The following ANKRD11 variants were observed in gnomAD, a reference collection of about 807,000 sequenced individuals.
ANKRD11 encodes ankyrin repeat domain 11.
Under a neutral mutation model 195.7 loss-of-function variants are expected in ANKRD11, and 17 were observed. The ratio of observed to expected loss-of-function variants is 0.09; its 90% CI spans 0.06 to 0.13. The LOEUF (loss-of-function observed/expected upper bound fraction) is 0.13, where lower values mean the gene tolerates loss of function less well. Among genes scored for constraint, ANKRD11 ranks in the 10% least tolerant of loss-of-function variants. The pLI is 1.00. For missense variants in ANKRD11, 3,735 were observed against 3,566.1 expected, an observed-to-expected ratio of 1.05 and a Z score of -1.21; for synonymous variants, 1,953 against 1,528.1, an observed-to-expected ratio of 1.28 and a Z score of -6.49.
At chr16:89,352,133 C>T (rs1381876392) in intron 2 of ANKRD11, among the ~76,000 whole-genome samples, 54 of 152,072 alleles carry the variant, frequency 3.6e-4, no homozygotes, top group Non-Finnish European at 1.5e-5. Context: ...TCAAGTGATC[C>T]GCCTGCCTCA....
At chr16:89,469,602 A>C (rs2057002013) in intron 1 of ANKRD11, among the ~76,000 whole-genome samples, 1 of 151,818 alleles carries the variant, frequency 6.6e-6, no homozygotes, top group African/African-American at 2.4e-5. Context: ...TACGCAAATA[A>C]GAAAGGAAAA....
intron 4 of ANKRD11, among the ~76,000 whole-genome samples, chr16:89,304,480 A>G (rs1029503943): frequency 6.6e-6 from 1 of 151,766 alleles, no homozygotes; most frequent in Non-Finnish European, 1.5e-5. Flanking sequence ...ATGGGCACAC[A>G]TACACGGGCA....
intron 2 of ANKRD11, among the ~76,000 whole-genome samples, chr16:89,373,951 C>T (rs2152087094): frequency 6.6e-6 from 1 of 152,360 alleles, no homozygotes; most frequent in East Asian, 1.9e-4. Flanking sequence ...ACCAAGCGGG[C>T]TGGGGCCCTG....
intron 2 of ANKRD11, among the ~76,000 whole-genome samples, chr16:89,327,266 A>C (rs2037786312): frequency 6.6e-6 from 1 of 152,226 alleles, no homozygotes; most frequent in South Asian, 2.1e-4. Flanking sequence ...TAAAATTCAA[A>C]ACTCACGATA....
chr16:89,369,900 A>G (rs2040119252), intron 2 of ANKRD11, among the ~76,000 whole-genome samples: 3 of 152,174 alleles, frequency 2.0e-5, no homozygotes, highest in African/African-American at 4.8e-5. Context: ...CATGTCATCT[A>G]TGGTTATCTC....
intron 1 of ANKRD11, among the ~76,000 whole-genome samples, chr16:89,483,209 A>G (rs549803606): frequency 3.9e-5 from 6 of 152,288 alleles, no homozygotes; most frequent in Admixed American, 2.0e-4. Flanking sequence ...GGCACAGATT[A>G]AGTTCTAAGA....
At chr16:89,277,490 G>C (rs988812759) in intron 9 of ANKRD11, 4 of 152,294 alleles carry the variant, frequency 2.6e-5, no homozygotes, top group African/African-American at 9.6e-5. Flanking sequence ...ACAGCAGTCA[G>C]ACTAGTGTTA....
chr16:89,438,841 T>C (rs2043326280), intron 1 of ANKRD11, among the ~76,000 whole-genome samples: 1 of 151,964 alleles, frequency 6.6e-6, no homozygotes, highest in African/African-American at 2.4e-5. Flanking sequence ...CGCATCTCTA[T>C]AAAAAATTTT....
intron 1 of ANKRD11, among the ~76,000 whole-genome samples, chr16:89,430,517 ACT>A (rs2042932008): frequency 6.7e-6 from 1 of 150,290 alleles, no homozygotes; most frequent in Non-Finnish European, 1.5e-5. Context: ...CACAGCAGGG[ACT>A]CTCAACTCTC....
chr16:89,460,440 T>A (rs2056612843), intron 1 of ANKRD11, among the ~76,000 whole-genome samples: 1 of 152,144 alleles, frequency 6.6e-6, no homozygotes. Context: ...GTGCCTGTAA[T>A]CCCAGCTACT....
Position 89,290,617 on chromosome 16 carries a change from G to A in ANKRD11, c.601+8C>T, listed in dbSNP as rs1263489896. The A allele has an allele frequency of 2.5e-6, 4 of 1,611,404 alleles. No homozygotes were observed. The highest frequency in any genetic ancestry group is 1.1e-5 in the South Asian group (1 of 91,066). ...CTCTCTGGCCCTTGCCAGGCACAGG[G>A]TGCCCACCTGCGAAGTCCTTGACGT... On this transcript the variant is annotated splice_region_variant and intron_variant, in intron 6 of 12. Transcript: ENST00000301030.
intron 3 of ANKRD11, among the ~76,000 whole-genome samples, chr16:89,305,693 C>T (rs1481339541): frequency 6.9e-6 from 1 of 144,634 alleles, no homozygotes; most frequent in Non-Finnish European, 1.5e-5. Context: ...CACGCGCCAC[C>T]TCCCACTCCG....
intron 2 of ANKRD11, among the ~76,000 whole-genome samples, chr16:89,363,691 C>G (rs1463307946): frequency 3.9e-5 from 6 of 152,132 alleles, no homozygotes; most frequent in Admixed American, 1.3e-4. Context: ...GTATGTGGCC[C>G]AGGCCCCTGT....
intron 4 of ANKRD11, among the ~76,000 whole-genome samples, chr16:89,292,601 G>A (rs1168734413): frequency 6.6e-6 from 1 of 152,208 alleles, no homozygotes; most frequent in Admixed American, 6.5e-5. Flanking sequence ...ACATCGACCT[G>A]CGTCACACTC....
At position 89,291,845 on chromosome 16, in the gene ANKRD11, C is replaced by A; in HGVS notation, c.227-662G>T. 8.9e-7 allele frequency: 1 copy of A among 1,121,724 alleles called. No homozygotes were observed. Among genetic ancestry groups the A allele is most frequent in the Non-Finnish European group, 1.2e-6 (1 of 836,700 alleles). 69.5% of individuals were successfully genotyped at this position (1,121,724 alleles called of 1,614,324 possible). On this transcript the variant is annotated intron_variant, in intron 4 of 12. Transcript: ENST00000301030. This position sits in a 1 kb window ranked among gnomAD's most constrained non-coding sequence, Gnocchi z 5.3. ...AGCTCGGCTGTTTCCACCTCAGCCT[C>A]CTCGTAACAAGCACACCCTGCACTC...
Position 89,280,425 on chromosome 16 carries a change from G to A in ANKRD11, c.6117C>T (p.Asp2039=), listed in dbSNP as rs762691968. The A allele has an allele frequency of 1.1e-5, 18 of 1,575,798 alleles. No homozygotes were observed. Among genetic ancestry groups the A allele is most frequent in the African/African-American group, 6.8e-5 (5 of 74,036 alleles). Reference sequence around the variant, plus strand: ...TGGCGGCGGGGACGGCGTCCACTCCGTCCTTGACGTCCTCCAGCCCCGGCT... The same window carrying A: ...TGGCGGCGGGGACGGCGTCCACTCCATCCTTGACGTCCTCCAGCCCCGGCT... The part of the protein sequence containing the change: ...VAEPGLEDVK[D]GVDAVPAAIS... Residue 2039 remains aspartate, a synonymous_variant, in exon 9 of 13, where the codon GAC becomes GAT. Transcript: ENST00000301030.
intron 2 of ANKRD11, among the ~76,000 whole-genome samples, chr16:89,404,524 G>C (rs1026316229): frequency 6.6e-6 from 1 of 152,182 alleles, no homozygotes; most frequent in Non-Finnish European, 1.5e-5. Context: ...CAGTTTGAAG[G>C]GTATGGGGTA....
At chr16:89,388,293 A>ATTTTTTTTGTTTTTTTTT in intron 2 of ANKRD11, among the ~76,000 whole-genome samples, 1 of 85,266 alleles carries the variant, frequency 1.2e-5, no homozygotes, top group Non-Finnish European at 2.3e-5. Flanking sequence ...CATGAGGCTG[A>ATTTTTTTTGTTTTTTTTT]TTTTTTTTTT....
At chr16:89,347,984 A>G (rs2039023831) in intron 2 of ANKRD11, among the ~76,000 whole-genome samples, 1 of 151,372 alleles carries the variant, frequency 6.6e-6, no homozygotes, top group Admixed American at 6.6e-5. Flanking sequence ...CCCAGGCTGG[A>G]GTGAAATGGC....
Sources: allele counts gnomAD v4.1 joint callset (sites outside exome capture counted in the v4.1 genomes callset), GRCh38; gene constraint gnomAD v4.1.1; non-coding constraint Gnocchi (gnomAD v3.1); transcripts MANE v1.5; gene names NCBI Gene and HGNC (gene_info 2026-07-23, HGNC 2026-07-21).